UPRT: variants seen among roughly 807,000 people sequenced by gnomAD.
The protein encoded by UPRT is RP11-311P8.3.
A neutral mutation model predicts 22.6 loss-of-function variants in UPRT; 5 were observed. The ratio of observed to expected loss-of-function variants is 0.22; its 90% CI spans 0.12 to 0.47. UPRT has a LOEUF of 0.47. Ranked by LOEUF, UPRT falls within the 20% of genes least tolerant of loss-of-function variation. The probability of loss-of-function intolerance (pLI) is 0.99; values close to 1 mark genes in which losing one functional copy is unlikely to be tolerated. For synonymous variants in UPRT, 77 were observed against 87.7 expected, an observed-to-expected ratio of 0.88 and a Z score of 0.68; for missense variants, 181 against 239.9, an observed-to-expected ratio of 0.75 and a Z score of 1.62.
chrX:75,261,108 G>A (rs1315526397), intron 4 of UPRT, among the ~76,000 whole-genome samples: 2 of 111,952 alleles, frequency 1.8e-5, no homozygotes, highest in Non-Finnish European at 3.8e-5. Flanking sequence ...AAAGCAGTGT[G>A]TAGAGGGAAA....
chrX:75,256,349 AG>A (rs1378586982), intron 4 of UPRT, among the ~76,000 whole-genome samples: 5 of 111,961 alleles, frequency 4.5e-5, no homozygotes, highest in African/African-American at 1.6e-4. Flanking sequence ...CAAATCCTCT[AG>A]GTACAGCAAA....
chrX:75,166,137 C>G (rs1259388750), intron 3 of UPRT, among the ~76,000 whole-genome samples: 2 of 111,550 alleles, frequency 1.8e-5, no homozygotes, highest in African/African-American at 6.5e-5. Context: ...TTTAGTCTTA[C>G]AATAATTTTG....
chrX:75,185,704 T>C (rs971705630), intron 4 of UPRT, among the ~76,000 whole-genome samples: 2 of 112,079 alleles, frequency 1.8e-5, no homozygotes, highest in African/African-American at 6.5e-5. Flanking sequence ...TCAGATCCTG[T>C]TATTGGTCTA....
At chrX:75,251,492 A>T (rs2082529638) in intron 4 of UPRT, among the ~76,000 whole-genome samples, 1 of 111,401 alleles carries the variant, frequency 9.0e-6, no homozygotes, top group South Asian at 3.8e-4. Flanking sequence ...ATACCTAGGA[A>T]TCCAACTTAC....
chrX:75,258,804 AC>A (rs1384364321), intron 4 of UPRT, among the ~76,000 whole-genome samples: 1 of 111,122 alleles, frequency 9.0e-6, no homozygotes, highest in Non-Finnish European at 1.9e-5. Flanking sequence ...AGGGTCCCTG[AC>A]CCCCATGTAT....
chrX:75,203,301 T>C (rs905296460), intron 4 of UPRT, among the ~76,000 whole-genome samples: 1 of 111,059 alleles, frequency 9.0e-6, no homozygotes, highest in East Asian at 2.8e-4. Flanking sequence ...ATAAAACAAG[T>C]TCTTAGAGAC....
At chrX:75,277,625 C>G (rs1374286895) in intron 1 of UPRT, among the ~76,000 whole-genome samples, 1 of 111,233 alleles carries the variant, frequency 9.0e-6, no homozygotes. Flanking sequence ...AATTTCAAGC[C>G]TCATGTTTGG....
At chrX:75,290,914 T>C (rs1051229272) in intron 1 of UPRT, among the ~76,000 whole-genome samples, 1 of 110,987 alleles carries the variant, frequency 9.0e-6, no homozygotes, top group Non-Finnish European at 1.9e-5. Flanking sequence ...TAGACCCAGG[T>C]AAAAAACCTG....
At chrX:75,299,470 G>A (rs878888670) in intron 4 of UPRT, among the ~76,000 whole-genome samples, 22 of 111,509 alleles carry the variant, frequency 2.0e-4, no homozygotes, top group South Asian at 1.9e-3. Context: ...CTATAATCAC[G>A]GAAGCATGAC....
At chrX:75,264,773 T>A (rs2082581608) in intron 4 of UPRT, among the ~76,000 whole-genome samples, 1 of 111,954 alleles carries the variant, frequency 8.9e-6, no homozygotes, top group South Asian at 3.7e-4. Context: ...TGATGCAGTT[T>A]CTTCCCAGCC....
chrX:75,222,065 T>C (rs2082411823), intron 4 of UPRT, among the ~76,000 whole-genome samples: 1 of 112,299 alleles, frequency 8.9e-6, no homozygotes, highest in Admixed American at 9.4e-5. Context: ...CCAGCAGTGC[T>C]GTGGTTCTTG....
chrX:75,205,935 C>T (rs1368930696), intron 4 of UPRT, among the ~76,000 whole-genome samples: 1 of 111,441 alleles, frequency 9.0e-6, no homozygotes, highest in Non-Finnish European at 1.9e-5. Flanking sequence ...GGCTCGCAAA[C>T]GCATGAGGGC....
intron 4 of UPRT, among the ~76,000 whole-genome samples, chrX:75,172,962 C>G (rs772459307): frequency 9.0e-6 from 1 of 111,235 alleles, no homozygotes; most frequent in Admixed American, 9.5e-5. Context: ...ACTGCTGGCT[C>G]GGGCAGCCTG....
At chrX:75,161,047 G>A (rs1308935367) in intron 2 of UPRT, among the ~76,000 whole-genome samples, 1 of 112,283 alleles carries the variant, frequency 8.9e-6, no homozygotes, top group Non-Finnish European at 1.9e-5. Context: ...TGAGATTTTA[G>A]GAGAACATTG....
At chrX:75,168,912 T>G (rs1159784161) in intron 4 of UPRT, among the ~76,000 whole-genome samples, 1 of 111,731 alleles carries the variant, frequency 9.0e-6, no homozygotes, top group Admixed American at 9.5e-5. Flanking sequence ...TTTTGTAGCT[T>G]TTTATTCCTC....
At chrX:75,283,200 A>G (rs1039567219) in intron 1 of UPRT, among the ~76,000 whole-genome samples, 2 of 111,722 alleles carry the variant, frequency 1.8e-5, no homozygotes, top group African/African-American at 6.5e-5. Context: ...AAGGCAGCAG[A>G]TAATTGGTTG....
intron 4 of UPRT, among the ~76,000 whole-genome samples, chrX:75,259,112 C>T (rs1158290684): frequency 9.0e-5 from 10 of 111,049 alleles, no homozygotes; most frequent in East Asian, 5.8e-4. Flanking sequence ...AGACCCCATC[C>T]GAAGGTCACC....
At chrX:75,298,251 G>A (rs762604744) in intron 4 of UPRT, among the ~76,000 whole-genome samples, 11 of 109,428 alleles carry the variant, frequency 1.0e-4, no homozygotes, top group African/African-American at 2.7e-4. Flanking sequence ...CTCAGCCTCC[G>A]AAAGTGCTGG....
Position 75,300,785 on chromosome X carries a change from C to T in UPRT, c.725-82C>T, listed in dbSNP as rs753030591. On this transcript the variant is annotated intron_variant, in intron 5 of 6. Coordinates refer to ENST00000373383, the MANE Select transcript of UPRT (RefSeq NM_145052.4). ...CTGAGTGACAGAGTGATTCCCTGTC[C>T]CCCCTCCCCCAAAAAAAGAAAAAAG... is the stretch of plus-strand genomic sequence containing the variant. The T allele has an allele frequency of 7.3e-5, 55 of 754,363 alleles. No homozygotes were observed. The Middle Eastern group carries it at 1.4e-3, about 19-fold the overall frequency. The allele number at this position is 754,363 out of a possible 1,213,427, so 62.2% of individuals were successfully genotyped here. A position where few individuals can be genotyped will look rare whatever the true frequency, so the allele number is the denominator to read the frequency against.
Sources: gnomAD v4.1 joint callset for allele counts (sites outside exome capture counted in the v4.1 genomes callset) on GRCh38, gnomAD v4.1.1 for gene constraint, MANE v1.5 for transcripts, NCBI Gene and HGNC (gene_info 2026-07-23, HGNC 2026-07-21) for gene names.